The following ERFL variants were observed in gnomAD, a reference collection of about 807,000 sequenced individuals.
ERFL encodes the protein ETS repressor factor like.
In ERFL, 8 loss-of-function variants were observed where a neutral mutation model predicts 27.9. That is an observed-to-expected ratio of 0.29 (90% CI 0.17 to 0.52). The LOEUF (loss-of-function observed/expected upper bound fraction) is 0.52. Among genes scored for constraint, ERFL ranks in the 20% least tolerant of loss-of-function variants. ERFL has a pLI of 0.97. For synonymous variants in ERFL, 174 were observed against 202.8 expected (o/e 0.86, Z 1.21); for missense variants, 294 against 444.4 (o/e 0.66, Z 3.04).
intron 1 of ERFL, among the ~76,000 whole-genome samples, chr19:41,925,490 G>T (rs997554123): frequency 6.6e-6 from 1 of 152,158 alleles, no homozygotes; most frequent in Non-Finnish European, 1.5e-5. Flanking sequence ...GAGAGGCAAA[G>T]ACAGTGCAAG....
chr19:41,908,958 C>T lies in ERFL; in HGVS notation c.616+102G>A. The T allele has an allele frequency of 2.8e-6, 2 of 723,832 alleles. No homozygotes were observed. Among genetic ancestry groups the T allele is most frequent in the Non-Finnish European group, 3.8e-6 (2 of 525,024 alleles). The allele number at this position is 723,832 out of a possible 1,614,324, so 44.8% of individuals were successfully genotyped here. A position where few individuals can be genotyped will look rare whatever the true frequency, so the allele number is the denominator to read the frequency against. ...ACACACCCTACAACCTGGCCCTGGG[C>T]CCCCTTCCCCATCTCTTCTCTTGTC... On this transcript the variant is annotated intron_variant, in intron 5 of 5. Coordinates refer to ENST00000597630, the MANE Select transcript of ERFL (RefSeq NM_001365103.2). The surrounding 1 kb of genome is among the most constrained non-coding windows in gnomAD (Gnocchi z 6.7).
chr19:41,925,218 C>A (rs373877860), intron 1 of ERFL, among the ~76,000 whole-genome samples: 1 of 152,018 alleles, frequency 6.6e-6, no homozygotes, highest in South Asian at 2.1e-4. Context: ...GTTACCAGGG[C>A]AGAGGATTCC....
Position 41,909,508 on chromosome 19 carries a change from G to T in ERFL, c.303-37C>A. ...GTGGTGGTGTTGGGGAGGTGCAGGG[G>T]GAGCCCTGGGGCGGGATCTGGGGTT... On this transcript the variant is annotated intron_variant, in intron 3 of 5. Coordinates refer to ENST00000597630, the MANE Select transcript of ERFL (RefSeq NM_001365103.2). This position sits in a 1 kb window ranked among gnomAD's most constrained non-coding sequence, Gnocchi z 5.2. 8.0e-7 allele frequency: 1 copy of T among 1,249,102 alleles called. No individual in the cohort carries two copies. Among genetic ancestry groups the T allele is most frequent in the Non-Finnish European group, 1.0e-6 (1 of 995,190 alleles). 77.4% of individuals were successfully genotyped at this position (1,249,102 alleles called of 1,614,324 possible).
chr19:41,923,607 A>C (rs2074853752), intron 1 of ERFL, among the ~76,000 whole-genome samples: 1 of 135,694 alleles, frequency 7.4e-6, no homozygotes, highest in Non-Finnish European at 1.6e-5. Context: ...TGGAGAAAGG[A>C]AATGAAAGTG....
chr19:41,908,914 T>C lies in ERFL; in HGVS notation c.616+146A>G. ...ATTTCCCCTCCCTCACATCACATCCTTTTCTGGGTTTTACACACACACACC... is the reference window on the plus strand; with the variant it reads ...ATTTCCCCTCCCTCACATCACATCCCTTTCTGGGTTTTACACACACACACC... On this transcript the variant is annotated intron_variant, in intron 5 of 5. Transcript: ENST00000597630. This position sits in a 1 kb window ranked among gnomAD's most constrained non-coding sequence, Gnocchi z 6.7. 2.0e-6 allele frequency: 1 copy of C among 502,782 alleles called. No homozygotes were observed. Among genetic ancestry groups the C allele is most frequent in the East Asian group, 3.5e-5 (1 of 28,446 alleles). 31.1% of individuals were successfully genotyped at this position (502,782 alleles called of 1,614,324 possible).
In ERFL at chr19:41,909,468, G is replaced by A; in HGVS notation, c.306C>T (p.Tyr102=). 3 of 1,243,430 alleles carry A rather than the reference G, an allele frequency of 2.4e-6. No homozygotes were observed. The highest frequency in any genetic ancestry group is 3.0e-6 in the Non-Finnish European group (3 of 994,318). The allele number at this position is 1,243,430 out of a possible 1,614,324, so 77.0% of individuals were successfully genotyped here. The change falls in exon 4 of 6, where the codon TAC becomes TAT. Residue 102 remains tyrosine, a synonymous_variant. Transcript: ENST00000597630. This position sits in a 1 kb window ranked among gnomAD's most constrained non-coding sequence, Gnocchi z 5.2. ...TGTGGAGAATCCGCTTGTTGTAGTA[G>A]TAACTGTGGGGAGAGTGGTGGTGTT... ...NYDKLSRALR[Y]YYNKRILHKT... is the part of the protein sequence containing the mutation.
At chr19:41,912,967 T>C in intron 1 of ERFL, 35 bp from the exon 2 acceptor site, 1 of 1,022,928 alleles carries the variant, frequency 9.8e-7, no homozygotes, top group Non-Finnish European at 1.3e-6. Context: ...GGGGACGGGG[T>C]GGGCAGGAGA....
chr19:41,920,502 A>C (rs1555852383), intron 1 of ERFL, among the ~76,000 whole-genome samples: 4 of 144,654 alleles, frequency 2.8e-5, no homozygotes, highest in Non-Finnish European at 1.5e-5. Flanking sequence ...GACATGACGC[A>C]CTCAGACATG....
In ERFL at chr19:41,909,282, G is replaced by A; in HGVS notation, c.492C>T (p.Thr164=). Residue 164 remains threonine, a synonymous_variant, in exon 4 of 6, where the codon ACC becomes ACT. Transcript: ENST00000597630. This position sits in a 1 kb window ranked among gnomAD's most constrained non-coding sequence, Gnocchi z 5.2. ...GAPGPDAPPL[T]PETLQTLFSA... Reference sequence around the variant, plus strand: ...CCCCAGTACCCAGACTCACCTCAGGGGTGAGGGGAGGAGCATCTGGCCCTG... The same window carrying A: ...CCCCAGTACCCAGACTCACCTCAGGAGTGAGGGGAGGAGCATCTGGCCCTG... 8.1e-7 allele frequency: 1 copy of A among 1,233,350 alleles called. No individual in the cohort carries two copies. The highest frequency in any genetic ancestry group is 4.1e-5 in the South Asian group (1 of 24,406). The allele number at this position is 1,233,350 out of a possible 1,614,324, so 76.4% of individuals were successfully genotyped here. A position where few individuals can be genotyped will look rare whatever the true frequency, so the allele number is the denominator to read the frequency against.
At chr19:41,920,120 C>G (rs181051660) in intron 1 of ERFL, among the ~76,000 whole-genome samples, 2 of 113,490 alleles carry the variant, frequency 1.8e-5, no homozygotes, top group Admixed American at 2.1e-4. Flanking sequence ...AGACATGACA[C>G]GCTCACACAT....
Position 41,907,967 on chromosome 19 carries a change from C to T in ERFL, c.*261G>A. On this transcript the variant is annotated 3_prime_UTR_variant, in exon 6 of 6. Coordinates refer to ENST00000597630, the MANE Select transcript of ERFL (RefSeq NM_001365103.2). Reference sequence around the variant, plus strand: ...GGGGCAGGCTGGGCGCCATATTGCACTTTGGGAGTGGGGCCAGGCGGGGAC... The same window carrying T: ...GGGGCAGGCTGGGCGCCATATTGCATTTTGGGAGTGGGGCCAGGCGGGGAC... 2.6e-6 allele frequency: 1 copy of T among 385,984 alleles called. No homozygotes were observed. 23.9% of individuals were successfully genotyped at this position (385,984 alleles called of 1,614,324 possible). A position where few individuals can be genotyped will look rare whatever the true frequency, so the allele number is the denominator to read the frequency against.
At chr19:41,920,456 C>T (rs1010303042) in intron 1 of ERFL, among the ~76,000 whole-genome samples, 4 of 149,870 alleles carry the variant, frequency 2.7e-5, no homozygotes, top group Admixed American at 6.7e-5. Context: ...AGACATGACA[C>T]GCCCAGACAT....
Position 41,910,225 on chromosome 19 carries a change from T to C in ERFL, c.68-128A>G. On this transcript the variant is annotated intron_variant, in intron 2 of 5. Transcript: ENST00000597630. This position sits in a 1 kb window ranked among gnomAD's most constrained non-coding sequence, Gnocchi z 4.4. ...GTCTCAGGCATCTTTAGGGACCTGG[T>C]TTCCACACTCCAAACCTCCTCCCTT... 1.1e-6 allele frequency: 1 copy of C among 908,486 alleles called. No individual in the cohort carries two copies. The highest frequency in any genetic ancestry group is 1.7e-5 in the African/African-American group (1 of 59,856). The allele number at this position is 908,486 out of a possible 1,614,324, so 56.3% of individuals were successfully genotyped here.
At position 41,916,104 on chromosome 19, in the gene ERFL, G is replaced by A. The variant is rs1294571328; in HGVS notation, c.-13-3172C>T. Among the ~76,000 whole-genome samples the A allele has an allele frequency of 1.3e-5, 2 of 151,800 alleles. No homozygotes were observed. The highest frequency in any genetic ancestry group is 3.9e-4 in the East Asian group (2 of 5,166). ...AGCGAAGCGGTGTGCAGAGGCGCTG[G>A]GCAGGCGAGGGCCCTCCTCCCTTCT... On this transcript the variant is annotated intron_variant, in intron 1 of 5. Coordinates refer to ENST00000597630, the MANE Select transcript of ERFL (RefSeq NM_001365103.2). The surrounding 1 kb of genome is among the most constrained non-coding windows in gnomAD (Gnocchi z 5.4).
At position 41,908,259 on chromosome 19, in the gene ERFL, G is replaced by C. The variant is rs2074729745; in HGVS notation, c.1034C>G (p.Ala345Gly). Reference sequence around the variant, plus strand: ...GCCGGTCCCCCCTTTGCCCGCCTTTGCCTTGGGGGGTGCCGGGAGACCCTC... The same window carrying C: ...GCCGGTCCCCCCTTTGCCCGCCTTTCCCTTGGGGGGTGCCGGGAGACCCTC... ...GDEGLPAPPK[A>G]KAGKGGTGS The change falls in exon 6 of 6, where the codon GCA (alanine) becomes GGA (glycine). Residue 345 changes from alanine to glycine, a missense_variant. Physicochemically the swap from Ala to Gly is moderately conservative, Grantham distance 60. This residue lies in a region of ERFL where 246 missense variants were observed against 371.4 expected (regional missense o/e 0.66). Transcript: ENST00000597630. This position sits in a 1 kb window ranked among gnomAD's most constrained non-coding sequence, Gnocchi z 6.7. 1.1e-5 allele frequency: 13 copies of C among 1,231,670 alleles called. No homozygotes were observed. The highest frequency in any genetic ancestry group is 1.2e-5 in the Non-Finnish European group (12 of 987,940). 76.3% of individuals were successfully genotyped at this position (1,231,670 alleles called of 1,614,324 possible). A position where few individuals can be genotyped will look rare whatever the true frequency, so the allele number is the denominator to read the frequency against.
intron 1 of ERFL, among the ~76,000 whole-genome samples, chr19:41,913,554 C>A (rs894566067): frequency 6.6e-6 from 1 of 151,716 alleles, no homozygotes; most frequent in Non-Finnish European, 1.5e-5. Flanking sequence ...TCCTCTACCC[C>A]ACAGGGCAGC....
At position 41,928,365 on chromosome 19, in the gene ERFL, A is replaced by C. The variant is rs1206415248; in HGVS notation, c.-339T>G. On this transcript the variant is annotated 5_prime_UTR_variant, in exon 1 of 6. Transcript: ENST00000597630. The stretch of plus-strand genomic sequence containing the variant: ...CAGAGACGGGGAGAGCTGAGGACGG[A>C]GCTCCGGGCTGGAGCTCAGCACAGC... 1 of 152,402 alleles carries C rather than the reference A, an allele frequency of 6.6e-6. No homozygotes were observed. Among genetic ancestry groups the C allele is most frequent in the Non-Finnish European group, 1.5e-5 (1 of 68,288 alleles). The allele number at this position is 152,402 out of a possible 1,614,324, so 9.4% of individuals were successfully genotyped here. A position where few individuals can be genotyped will look rare whatever the true frequency, so the allele number is the denominator to read the frequency against.
Position 41,909,864 on chromosome 19 carries a change from G to A in ERFL, c.301C>T (p.Arg101Cys). 1.2e-6 allele frequency: 2 copies of A among 1,607,656 alleles called. No homozygotes were observed. Among genetic ancestry groups the A allele is most frequent in the South Asian group, 1.1e-5 (1 of 90,138 alleles). Residue 101 changes from arginine to cysteine, a missense_variant and splice_region_variant, in exon 3 of 6, where the codon CGT (arginine) becomes TGT (cysteine). Arg to Cys is a radical substitution (Grantham distance 180). Around this residue, in one of 3 missense-constraint regions of ERFL, gnomAD observed 246 missense variants for 371.4 expected, o/e 0.66. Coordinates refer to ENST00000597630, the MANE Select transcript of ERFL (RefSeq NM_001365103.2). This position sits in a 1 kb window ranked among gnomAD's most constrained non-coding sequence, Gnocchi z 5.2. ...ATCCAGCCCCAAGCCCTTCCTCACC[G>A]CAGGGCCCGGCTCAGCTTGTCGTAA... ...MNYDKLSRAL[R>C]YYYNKRILHK...
At chr19:41,922,693 G>A (rs781876050) in intron 1 of ERFL, among the ~76,000 whole-genome samples, 12 of 152,094 alleles carry the variant, frequency 7.9e-5, no homozygotes, top group Non-Finnish European at 1.0e-4. Flanking sequence ...GCTGGGTGCC[G>A]GGCCACCAGG....
Sources: gnomAD v4.1 joint callset for allele counts (sites outside exome capture counted in the v4.1 genomes callset) on GRCh38, gnomAD v4.1.1 for gene constraint, gnomAD v4.1.1 regional missense constraint, Gnocchi (gnomAD v3.1) non-coding constraint, MANE v1.5 for transcripts, NCBI Gene and HGNC (gene_info 2026-07-23, HGNC 2026-07-21) for gene names.